The following ZNF536 variants were observed in gnomAD, a reference collection of about 807,000 sequenced individuals.
ZNF536 encodes zinc finger protein 536.
In ZNF536, 13 loss-of-function variants were observed where a neutral mutation model predicts 84.5. The observed-to-expected ratio is 0.15, with a 90% CI of 0.10 to 0.24. The LOEUF is 0.24. ZNF536 is among the 10% of genes least tolerant of loss of function. The probability of loss-of-function intolerance (pLI) is 1.00; values close to 1 mark genes in which losing one functional copy is unlikely to be tolerated. For synonymous variants in ZNF536, 811 were observed against 742.5 expected, an observed-to-expected ratio of 1.09 and a Z score of -1.50; for missense variants, 1,536 against 1,747.5, an observed-to-expected ratio of 0.88 and a Z score of 2.16.
rs556560890 is a variant in ZNF536 at position 30,419,730 on chromosome 19, G to C, written c.-2-23831G>C. Among the ~76,000 whole-genome samples, 46 of 152,348 alleles carry C rather than the reference G, an allele frequency of 3.0e-4. 1 individual carries two copies. In the South Asian group the frequency reaches 4.8e-3, roughly 16 times the overall value. Reference sequence around the variant, plus strand: ...GAGGATTGGATGGGGTCTGAGAAGAGGCAGCACGCTCCGTCTCCTGATGTG... The same window carrying C: ...GAGGATTGGATGGGGTCTGAGAAGACGCAGCACGCTCCGTCTCCTGATGTG... On this transcript the variant is annotated intron_variant, in intron 1 of 4. Coordinates refer to ENST00000355537, the MANE Select transcript of ZNF536 (RefSeq NM_014717.3).
intron 2 of ZNF536, among the ~76,000 whole-genome samples, chr19:30,471,601 C>A (rs1257571052): frequency 6.6e-6 from 1 of 152,174 alleles, no homozygotes; most frequent in Non-Finnish European, 1.5e-5. Context: ...GATCCCTGGA[C>A]AGTTGGAAGG....
chr19:30,413,527 G>C (rs1411582832), intron 1 of ZNF536, among the ~76,000 whole-genome samples: 1 of 152,132 alleles, frequency 6.6e-6, no homozygotes, highest in Non-Finnish European at 1.5e-5. Flanking sequence ...TAACATTTTT[G>C]AGATGTTGCA....
chr19:30,394,411 C>G (rs996434018), intron 1 of ZNF536, among the ~76,000 whole-genome samples: 2 of 152,132 alleles, frequency 1.3e-5, no homozygotes, highest in Non-Finnish European at 2.9e-5. Context: ...TGCAAATGCT[C>G]ATTTCCCTAA....
Position 30,445,357 on chromosome 19 carries a change from G to A in ZNF536, c.1795G>A (p.Asp599Asn), listed in dbSNP as rs748156582. ...GSQRDLPSKL[D>N]PLESSRDFLS... ...CCAGAGAGACCTGCCAAGTAAGCTC[G>A]ACCCTTTAGAAAGCAGTCGGGATTT... Residue 599 changes from aspartate (D) to asparagine (N), a missense_variant, in exon 2 of 5, where the codon GAC becomes AAC. Transcript: ENST00000355537. The surrounding 1 kb of genome is among the most constrained non-coding windows in gnomAD (Gnocchi z 4.5). 7 of 1,614,020 alleles carry A rather than the reference G, an allele frequency of 4.3e-6. No homozygotes were observed. Among genetic ancestry groups the A allele is most frequent in the Admixed American group, 1.7e-5 (1 of 60,012 alleles).
chr19:30,538,772 G>A (rs1055599131), intron 3 of ZNF536, among the ~76,000 whole-genome samples: 3 of 152,176 alleles, frequency 2.0e-5, no homozygotes, highest in African/African-American at 7.2e-5. Context: ...ATTACCCTGG[G>A]CAGACTAGGG....
At chr19:30,456,286 G>A (rs1216704822) in intron 2 of ZNF536, among the ~76,000 whole-genome samples, 3 of 149,236 alleles carry the variant, frequency 2.0e-5, no homozygotes, top group East Asian at 3.9e-4. Context: ...TCTGATTCGT[G>A]AACACGGGAC....
intron 1 of ZNF536, among the ~76,000 whole-genome samples, chr19:30,373,085 T>C (rs2048672676): frequency 6.6e-6 from 1 of 152,176 alleles, no homozygotes; most frequent in Non-Finnish European, 1.5e-5. Context: ...TCCAATTGGG[T>C]TCTGCTTTTT....
intron 2 of ZNF536, among the ~76,000 whole-genome samples, chr19:30,504,971 G>C (rs1390896916): frequency 6.6e-6 from 1 of 151,954 alleles, no homozygotes; most frequent in Non-Finnish European, 1.5e-5. Flanking sequence ...AAATTCAAAA[G>C]TTGTTTTGGT....
At chr19:30,589,691 A>G (rs1315933568) in intron 1 of ZNF536, among the ~76,000 whole-genome samples, 1 of 152,148 alleles carries the variant, frequency 6.6e-6, no homozygotes, top group African/African-American at 2.4e-5. Context: ...CTGGGGGACA[A>G]GGTAGAGCTG....
At chr19:30,597,392 G>A (rs996782124) in intron 1 of ZNF536, among the ~76,000 whole-genome samples, 7 of 152,304 alleles carry the variant, frequency 4.6e-5, no homozygotes, top group South Asian at 2.1e-4. Context: ...TAGAAAACAC[G>A]GCCAATAGCA....
chr19:30,554,380 C>G (rs1381718706), intron 4 of ZNF536: 2 of 151,542 alleles, frequency 1.3e-5, no homozygotes, highest in Admixed American at 6.6e-5. Context: ...GCCTGTCTCC[C>G]AAGTAGCTGG....
intron 1 of ZNF536, among the ~76,000 whole-genome samples, chr19:30,236,748 C>A (rs1326980318): frequency 8.5e-5 from 13 of 152,186 alleles, no homozygotes; most frequent in African/African-American, 3.1e-4. Flanking sequence ...AGGGTCTGGT[C>A]ATCTGGTTGG....
rs1461615439 is a variant in ZNF536 at position 30,548,110 on chromosome 19, C to G, written c.2491C>G (p.Leu831Val). 2.5e-6 allele frequency: 4 copies of G among 1,613,974 alleles called. No individual in the cohort carries two copies. Among genetic ancestry groups the G allele is most frequent in the African/African-American group, 2.7e-5 (2 of 74,944 alleles). The change falls in exon 4 of 5, where the codon CTG (leucine) becomes GTG (valine). Residue 831 changes from leucine (L) to valine (V), a missense_variant. This residue lies in a region of ZNF536 where 624 missense variants were observed against 603.1 expected (regional missense o/e 1.03). Transcript: ENST00000355537. ...HKDEMSSKASLFIRPDILRGA... is the reference protein window; with the variant it reads ...HKDEMSSKASVFIRPDILRGA... ...GGATGAGATGTCAAGCAAAGCTTCT[C>G]TGTTCATCAGGCCAGACATCCTGAG...
intron 2 of ZNF536, among the ~76,000 whole-genome samples, chr19:30,483,442 C>T (rs2054168665): frequency 6.6e-6 from 1 of 152,152 alleles, no homozygotes. Context: ...ATGGGTGTCT[C>T]CTGCCATGCT....
At chr19:30,351,531 A>G (rs1029845989) in intron 2 of ZNF536, among the ~76,000 whole-genome samples, 1 of 152,246 alleles carries the variant, frequency 6.6e-6, no homozygotes, top group African/African-American at 2.4e-5. Context: ...CAAGATTTGC[A>G]TATCAGTTTG....
chr19:30,676,528 C>A (rs967358937), intron 1 of ZNF536, among the ~76,000 whole-genome samples: 5 of 152,176 alleles, frequency 3.3e-5, no homozygotes, highest in Non-Finnish European at 5.9e-5. Flanking sequence ...GAAGGTAACA[C>A]AAAATATGAT....
At chr19:30,582,353 C>A (rs1276905079) in intron 1 of ZNF536, among the ~76,000 whole-genome samples, 3 of 149,706 alleles carry the variant, frequency 2.0e-5, no homozygotes, top group Non-Finnish European at 4.4e-5. Context: ...AGCTGATGTC[C>A]TGGCTTCTCT....
In ZNF536 at chr19:30,517,470, T is replaced by C. The variant is rs193095711; in HGVS notation, c.2171-17377T>C. ...ATCCACTGCCCAGCCCATCAACCCT[T>C]GCTCTTTGGGCCCATGGGCTCAGCA... On this transcript the variant is annotated intron_variant, in intron 2 of 4. Coordinates refer to ENST00000355537, the MANE Select transcript of ZNF536 (RefSeq NM_014717.3). Among the ~76,000 whole-genome samples the C allele has an allele frequency of 3.5e-3, 537 of 152,288 alleles. 3 individuals are homozygous for C. Among genetic ancestry groups the C allele is most frequent in the African/African-American group, 0.012 (504 of 41,546 alleles).
At chr19:30,667,631 T>C (rs73031177) in intron 1 of ZNF536, among the ~76,000 whole-genome samples, 1 of 149,556 alleles carries the variant, frequency 6.7e-6, no homozygotes, top group East Asian at 2.0e-4. Context: ...CTAGCTTTTT[T>C]TTTTTTTTTA....
Sources: gnomAD v4.1 joint callset for allele counts (sites outside exome capture counted in the v4.1 genomes callset) on GRCh38, gnomAD v4.1.1 for gene constraint, gnomAD v4.1.1 regional missense constraint, Gnocchi (gnomAD v3.1) non-coding constraint, MANE v1.5 for transcripts, NCBI Gene and HGNC (gene_info 2026-07-23, HGNC 2026-07-21) for gene names.